ZMIZ1: variants seen among roughly 807,000 people sequenced by gnomAD.
ZMIZ1 encodes the protein zinc finger MIZ-type containing 1, also known as zinc finger MIZ domain-containing protein 1.
A neutral mutation model predicts 113.9 loss-of-function variants in ZMIZ1; 17 were observed. The observed-to-expected ratio is 0.15, with a 90% CI of 0.10 to 0.22. ZMIZ1 has a LOEUF of 0.22. ZMIZ1 is among the 10% of genes least tolerant of loss of function. The probability of loss-of-function intolerance (pLI) is 1.00; values close to 1 mark genes in which losing one functional copy is unlikely to be tolerated. For missense variants in ZMIZ1, 1,059 were observed against 1,477.8 expected, an observed-to-expected ratio of 0.72 and a Z score of 4.65; for synonymous variants, 607 against 603.1, an observed-to-expected ratio of 1.01 and a Z score of -0.09.
intron 8 of ZMIZ1, among the ~76,000 whole-genome samples, chr10:79,285,794 C>T (rs1034108204): frequency 3.9e-5 from 6 of 152,180 alleles, no homozygotes; most frequent in Non-Finnish European, 8.8e-5. Flanking sequence ...GCCAGGAATG[C>T]GAAGAGCCAG....
intron 7 of ZMIZ1, among the ~76,000 whole-genome samples, chr10:79,219,892 A>C (rs1848891750): frequency 6.6e-6 from 1 of 152,030 alleles, no homozygotes; most frequent in African/African-American, 2.4e-5. Flanking sequence ...AGGGCCACCC[A>C]TCCAGATATA....
intron 3 of ZMIZ1, among the ~76,000 whole-genome samples, chr10:79,156,256 G>T (rs1845898959): frequency 6.6e-6 from 1 of 152,174 alleles, no homozygotes; most frequent in African/African-American, 2.4e-5. Context: ...GGGGAGGGTA[G>T]TTCAGAGACC....
In ZMIZ1 at chr10:79,277,095, C is replaced by T. The variant is rs560368144; in HGVS notation, c.281-86C>T. 102 of 1,425,996 alleles carry T rather than the reference C, an allele frequency of 7.2e-5. 1 individual carries two copies. The South Asian group carries it at 1.6e-3, about 22-fold the overall frequency. The allele number at this position is 1,425,996 out of a possible 1,614,324, so 88.3% of individuals were successfully genotyped here. A position where few individuals can be genotyped will look rare whatever the true frequency, so the allele number is the denominator to read the frequency against. On this transcript the variant is annotated intron_variant, in intron 7 of 24. Coordinates refer to ENST00000334512, the MANE Select transcript of ZMIZ1 (RefSeq NM_020338.4). ...GGGAGCAAAACCAGCATGGATAGCA[C>T]CCAGTCTGGGGAGAGTTGGGGGGGG...
rs571449223 is a variant in ZMIZ1, at chr10:79,314,218, C to G, written c.*1469C>G. ...AGCCTGTCCTGTGTTCACTTTGTTT[C>G]AGGCTGGTCTGTGCCCCGTGAGCCA... On this transcript the variant is annotated 3_prime_UTR_variant, in exon 25 of 25. Transcript: ENST00000334512. 8 of 457,108 alleles carry G rather than the reference C, an allele frequency of 1.8e-5. No individual in the cohort carries two copies. Among genetic ancestry groups the G allele is most frequent in the Middle Eastern group, 6.5e-4 (2 of 3,076 alleles). 28.3% of individuals were successfully genotyped at this position (457,108 alleles called of 1,614,324 possible).
intron 1 of ZMIZ1, among the ~76,000 whole-genome samples, chr10:79,101,780 G>C (rs1313123471): frequency 6.6e-6 from 1 of 152,142 alleles, no homozygotes; most frequent in Non-Finnish European, 1.5e-5. Context: ...GGGGCCTCAG[G>C]GGCTGGAGCT....
chr10:79,256,727 G>T (rs945110158), intron 7 of ZMIZ1, among the ~76,000 whole-genome samples: 1 of 152,202 alleles, frequency 6.6e-6, no homozygotes, highest in Non-Finnish European at 1.5e-5. Flanking sequence ...TCTCTCCAGG[G>T]TCAGGCTGCT....
chr10:79,310,104 C>T (rs546268398), intron 23 of ZMIZ1, among the ~76,000 whole-genome samples: 28 of 152,306 alleles, frequency 1.8e-4, no homozygotes, highest in African/African-American at 6.5e-4. Context: ...TAGAGAGGCA[C>T]CGCCAGCCTC....
intron 8 of ZMIZ1, chr10:79,285,689 T>C (rs1020362564): frequency 9.3e-6 from 4 of 429,422 alleles, no homozygotes; most frequent in African/African-American, 4.1e-5. Context: ...CTGAGCCCTA[T>C]TGGTGTGTGA....
intron 7 of ZMIZ1, among the ~76,000 whole-genome samples, chr10:79,272,190 G>A (rs1757341935): frequency 6.6e-6 from 1 of 151,988 alleles, no homozygotes; most frequent in South Asian, 2.1e-4. Context: ...GGATGCTGAG[G>A]CACAAGAATC....
chr10:79,154,899 C>T (rs1019632819), intron 3 of ZMIZ1, among the ~76,000 whole-genome samples: 3 of 152,184 alleles, frequency 2.0e-5, no homozygotes, highest in African/African-American at 7.2e-5. Flanking sequence ...TGGGCAGCAA[C>T]CCTGAGCCAG....
intron 12 of ZMIZ1, 179 bp downstream of exon 12, chr10:79,293,832 C>A (rs1264549011): frequency 2.2e-6 from 2 of 922,820 alleles, no homozygotes; most frequent in South Asian, 1.5e-5. Context: ...TGTTTCCCAA[C>A]TGAAAGACCT....
chr10:79,227,525 T>G (rs1849241362), intron 7 of ZMIZ1, among the ~76,000 whole-genome samples: 1 of 152,206 alleles, frequency 6.6e-6, no homozygotes, highest in Non-Finnish European at 1.5e-5. Context: ...GCCATGGTTC[T>G]CTCGTTTGAC....
chr10:79,166,761 C>A (rs903224076), intron 4 of ZMIZ1, among the ~76,000 whole-genome samples: 1 of 152,238 alleles, frequency 6.6e-6, no homozygotes, highest in African/African-American at 2.4e-5. Context: ...GGAGAGGAAG[C>A]TGGAAGGTGT....
At chr10:79,095,618 C>T (rs1538228) in intron 1 of ZMIZ1, among the ~76,000 whole-genome samples, 5 of 152,020 alleles carry the variant, frequency 3.3e-5, no homozygotes, top group African/African-American at 1.2e-4. Context: ...CTTCTCCAGG[C>T]GCCTGATCTA....
intron 7 of ZMIZ1, among the ~76,000 whole-genome samples, chr10:79,275,613 G>T (rs1424149879): frequency 6.6e-6 from 1 of 152,228 alleles, no homozygotes; most frequent in Non-Finnish European, 1.5e-5. Flanking sequence ...AAACGTGGTG[G>T]CGTACAAGAG....
chr10:79,171,517 T>TTACTAA (rs1846602104), intron 4 of ZMIZ1, among the ~76,000 whole-genome samples: 1 of 152,248 alleles, frequency 6.6e-6, no homozygotes, highest in African/African-American at 2.4e-5. Context: ...CAGCAGTATT[T>TTACTAA]AGTAAGCACC....
At chr10:79,216,754 A>G (rs1848749531) in intron 7 of ZMIZ1, among the ~76,000 whole-genome samples, 1 of 152,182 alleles carries the variant, frequency 6.6e-6, no homozygotes, top group Admixed American at 6.5e-5. Flanking sequence ...ATACTCCACT[A>G]CGTTCATTCA....
intron 2 of ZMIZ1, among the ~76,000 whole-genome samples, chr10:79,137,897 C>T (rs994387070): frequency 2.0e-5 from 3 of 152,100 alleles, no homozygotes; most frequent in Admixed American, 1.3e-4. Context: ...CCTCTCGGCC[C>T]GGGCTCTGAC....
chr10:79,269,230 T>C (rs1851789739), intron 7 of ZMIZ1, among the ~76,000 whole-genome samples: 1 of 152,142 alleles, frequency 6.6e-6, no homozygotes, highest in Non-Finnish European at 1.5e-5. Context: ...GTGTGGCCTT[T>C]TGTAAGCTCA....
Sources: gnomAD v4.1 joint callset for allele counts (sites outside exome capture counted in the v4.1 genomes callset) on GRCh38, gnomAD v4.1.1 for gene constraint, MANE v1.5 for transcripts, NCBI Gene and HGNC (gene_info 2026-07-23, HGNC 2026-07-21) for gene names.